Variants in MACROD2 observed in about 807,000 individuals in gnomAD.
The protein encoded by MACROD2 is mono-ADP ribosylhydrolase 2.
MACROD2 carries 36 observed loss-of-function variants against 70.4 expected under a neutral mutation model. The observed-to-expected ratio is 0.51, with a 90% CI of 0.39 to 0.68. The LOEUF (loss-of-function observed/expected upper bound fraction) is 0.68, where lower values mean the gene tolerates loss of function less well. Ranked by LOEUF, MACROD2 falls within the 30% of genes least tolerant of loss-of-function variation. MACROD2 has a pLI of 0.00. For missense variants in MACROD2, 496 were observed against 538.4 expected (o/e 0.92, Z 0.78); for synonymous variants, 172 against 178.8 (o/e 0.96, Z 0.30).
At chr20:14,520,082 AG>A (rs1177636624) in intron 4 of MACROD2, among the ~76,000 whole-genome samples, 2 of 152,136 alleles carry the variant, frequency 1.3e-5, no homozygotes, top group Non-Finnish European at 2.9e-5. Flanking sequence ...GGGAGGGAGA[AG>A]GAGTGAATCA....
At chr20:15,543,242 G>T in intron 8 of MACROD2, among the ~76,000 whole-genome samples, 1 of 152,164 alleles carries the variant, frequency 6.6e-6, no homozygotes, top group South Asian at 2.1e-4. Context: ...GTGTGTCCCT[G>T]AGCATGTTAC....
chr20:14,430,181 TAGTC>T (rs1020366789), intron 3 of MACROD2, among the ~76,000 whole-genome samples: 2 of 152,164 alleles, frequency 1.3e-5, no homozygotes, highest in Admixed American at 1.3e-4. Context: ...GCAATAAAAT[TAGTC>T]AGGTCACAAG....
chr20:14,194,902 A>G (rs1215528221), intron 3 of MACROD2, among the ~76,000 whole-genome samples: 7 of 152,206 alleles, frequency 4.6e-5, no homozygotes, highest in African/African-American at 7.2e-5. Context: ...TAGATGTGCA[A>G]TTCAGGTGAG....
intron 5 of MACROD2, among the ~76,000 whole-genome samples, chr20:15,189,616 C>T (rs1020626691): frequency 2.6e-5 from 4 of 152,064 alleles, no homozygotes; most frequent in Non-Finnish European, 5.9e-5. Flanking sequence ...TTTGATGCCT[C>T]CCTGGCTGCA....
intron 4 of MACROD2, among the ~76,000 whole-genome samples, chr20:14,542,954 TA>T (rs2085451591): frequency 1.3e-5 from 2 of 152,220 alleles, no homozygotes; most frequent in Non-Finnish European, 1.5e-5. Context: ...TAAATTATTA[TA>T]ATTTTCAGAT....
chr20:14,495,194 T>C (rs2084839937), intron 4 of MACROD2, among the ~76,000 whole-genome samples: 1 of 151,814 alleles, frequency 6.6e-6, no homozygotes. Context: ...TTCTGTCTCA[T>C]GTAAAGGTAG....
chr20:15,351,855 TC>T (rs2078231031), intron 6 of MACROD2, among the ~76,000 whole-genome samples: 1 of 152,208 alleles, frequency 6.6e-6, no homozygotes, highest in Non-Finnish European at 1.5e-5. Context: ...CACAGACTTT[TC>T]TTGGAGAAAC....
chr20:14,438,247 TCC>T (rs2084081700), intron 3 of MACROD2, among the ~76,000 whole-genome samples: 1 of 152,204 alleles, frequency 6.6e-6, no homozygotes. Flanking sequence ...TGATAGGATC[TCC>T]TCCCTTCTTT....
chr20:14,200,948 G>GT (rs11087079), intron 3 of MACROD2, among the ~76,000 whole-genome samples: 132,460 of 143,502 alleles, frequency 0.92, 61,203 homozygotes, highest in East Asian at 0.98. Context: ...TGCTGGTAAT[G>GT]TTTTTTTTTT....
chr20:14,743,729 C>T (rs867146644), intron 5 of MACROD2, among the ~76,000 whole-genome samples: 1 of 152,152 alleles, frequency 6.6e-6, no homozygotes, highest in Non-Finnish European at 1.5e-5. Context: ...CATATATGTC[C>T]ATATCCTAAT....
intron 5 of MACROD2, among the ~76,000 whole-genome samples, chr20:14,868,842 C>G (rs982283052): frequency 2.6e-5 from 4 of 152,086 alleles, no homozygotes; most frequent in Admixed American, 6.6e-5. Flanking sequence ...TATGTATTGC[C>G]ATATTGAACT....
At chr20:15,317,736 G>A (rs2077829166) in intron 6 of MACROD2, among the ~76,000 whole-genome samples, 1 of 151,678 alleles carries the variant, frequency 6.6e-6, no homozygotes, top group African/African-American at 2.4e-5. Flanking sequence ...TTCAGCTAAA[G>A]GTAGTCAAGC....
At chr20:14,102,757 T>C (rs963267946) in intron 3 of MACROD2, among the ~76,000 whole-genome samples, 1 of 152,090 alleles carries the variant, frequency 6.6e-6, no homozygotes, top group Non-Finnish European at 1.5e-5. Flanking sequence ...AGGATGGGGA[T>C]TGGGATATAG....
intron 7 of MACROD2, among the ~76,000 whole-genome samples, chr20:15,447,632 G>A (rs920076830): frequency 6.6e-6 from 1 of 152,144 alleles, no homozygotes; most frequent in Non-Finnish European, 1.5e-5. Flanking sequence ...GTGAAGTCCA[G>A]TGTCCAATCG....
chr20:15,213,439 T>C (rs765903773), intron 5 of MACROD2, among the ~76,000 whole-genome samples: 1 of 152,028 alleles, frequency 6.6e-6, no homozygotes, highest in Non-Finnish European at 1.5e-5. Context: ...TTTTTTCCTA[T>C]GTTGGTTAAG....
At chr20:15,581,879 T>C (rs1278291168) in intron 8 of MACROD2, among the ~76,000 whole-genome samples, 1 of 152,164 alleles carries the variant, frequency 6.6e-6, no homozygotes, top group African/African-American at 2.4e-5. Context: ...CCCAGCACTT[T>C]GGGAGGCCGA....
intron 5 of MACROD2, among the ~76,000 whole-genome samples, chr20:15,041,693 C>T (rs576156692): frequency 6.6e-6 from 1 of 152,274 alleles, no homozygotes; most frequent in Non-Finnish European, 1.5e-5. Context: ...ATCCTCCTGC[C>T]TCGGCCTCCC....
chr20:15,021,094 ATGTGTATACACGTGTATGTGTATACACG>A lies in MACROD2; in HGVS notation c.419-208834_419-208807del, dbSNP rs528166214. On this transcript the variant is annotated intron_variant, in intron 5 of 17. Transcript: ENST00000684519. ...CATGTGTGTATGTGTATACACGTGT[ATGTGTATACACGTGTATGTGTATACACG>A]TGTGTATACACATACGTGTGTGTAT... Among the ~76,000 whole-genome samples, 147 of 129,168 alleles carry A rather than the reference ATGTGTATACACGTGTATGTGTATACACG, an allele frequency of 1.1e-3. 1 individual carries two copies. The highest frequency in any genetic ancestry group is 4.0e-3 in the Middle Eastern group (1 of 250). The allele number at this position is 129,168 out of a possible 152,430, so 84.7% of individuals were successfully genotyped here.
intron 2 of MACROD2, among the ~76,000 whole-genome samples, chr20:14,011,465 C>A (rs2263682): frequency 1.8e-4 from 27 of 151,848 alleles, no homozygotes; most frequent in Admixed American, 1.2e-3. Flanking sequence ...CATTTCCCCC[C>A]CTTCAGAATA....
Sources: gnomAD v4.1 joint callset for allele counts (sites outside exome capture counted in the v4.1 genomes callset) on GRCh38, gnomAD v4.1.1 for gene constraint, MANE v1.5 for transcripts, NCBI Gene and HGNC (gene_info 2026-07-23, HGNC 2026-07-21) for gene names.